SOHLH2: variants seen among roughly 807,000 people sequenced by gnomAD.
SOHLH2 encodes spermatogenesis- and oogenesis-specific basic helix-loop-helix-containing protein 2.
SOHLH2 carries 22 observed loss-of-function variants against 50.4 expected under a neutral mutation model. That is an observed-to-expected ratio of 0.44 (90% CI 0.31 to 0.62). The LOEUF (loss-of-function observed/expected upper bound fraction) is 0.62, where lower values mean the gene tolerates loss of function less well. Ranked by LOEUF, SOHLH2 falls within the 20% of genes least tolerant of loss-of-function variation. The pLI, the probability that SOHLH2 is intolerant of heterozygous loss-of-function variation, is 0.08. For synonymous variants in SOHLH2, 185 were observed against 187.3 expected (o/e 0.99, Z 0.10); for missense variants, 412 against 504.4 (o/e 0.82, Z 1.76).
At chr13:36,203,138 T>C (rs1019934206) in intron 1 of SOHLH2, among the ~76,000 whole-genome samples, 2 of 152,210 alleles carry the variant, frequency 1.3e-5, no homozygotes, top group African/African-American at 2.4e-5. Context: ...ATCCCTTCTC[T>C]GAAAGGAACT....
intron 1 of SOHLH2, among the ~76,000 whole-genome samples, chr13:36,212,831 C>A (rs908103590): frequency 1.4e-4 from 21 of 152,312 alleles, no homozygotes; most frequent in African/African-American, 4.8e-4. Context: ...GACACTTCAT[C>A]CACTGTTTCA....
intron 2 of SOHLH2, 90 bp from the exon 3 acceptor site, chr13:36,193,957 A>C (rs1887649465): frequency 1.3e-5 from 15 of 1,190,536 alleles, no homozygotes; most frequent in Non-Finnish European, 1.7e-5. Context: ...AACTAACTAC[A>C]GTGATTTTCT....
chr13:36,212,534 T>C (rs1869189241), intron 1 of SOHLH2, among the ~76,000 whole-genome samples: 1 of 152,224 alleles, frequency 6.6e-6, no homozygotes, highest in Non-Finnish European at 1.5e-5. Context: ...AATAAATGTT[T>C]CTAGTATATT....
intron 6 of SOHLH2, chr13:36,182,044 A>T (rs185506405): frequency 1.0e-6 from 1 of 981,856 alleles, no homozygotes; most frequent in Non-Finnish European, 1.2e-6. Context: ...TTTAAAAACC[A>T]ATAGTATATA....
At chr13:36,189,371 C>T (rs928695850) in intron 6 of SOHLH2, among the ~76,000 whole-genome samples, 3 of 152,140 alleles carry the variant, frequency 2.0e-5, no homozygotes, top group African/African-American at 4.8e-5. Flanking sequence ...TACCTCTCAT[C>T]TTTTGCCTCT....
intron 2 of SOHLH2, among the ~76,000 whole-genome samples, chr13:36,200,800 C>T (rs1334583279): frequency 2.6e-5 from 4 of 152,006 alleles, no homozygotes; most frequent in Non-Finnish European, 5.9e-5. Context: ...CCTGTAATCC[C>T]AGCACTTTGG....
Position 36,195,924 on chromosome 13 carries a change from G to A in SOHLH2, c.264-2057C>T, listed in dbSNP as rs1387849752. On this transcript the variant is annotated intron_variant, in intron 2 of 10. Transcript: ENST00000379881. Reference sequence around the variant, plus strand: ...ATCATCAAAATAGGCATATGCAGGAGGGAGGATAGAGTTTGCCTGGCCAAC... The same window carrying A: ...ATCATCAAAATAGGCATATGCAGGAAGGAGGATAGAGTTTGCCTGGCCAAC... Among the ~76,000 whole-genome samples the A allele has an allele frequency of 2.0e-5, 3 of 152,004 alleles. No individual in the cohort carries two copies. The South Asian group carries it at 6.2e-4, about 32-fold the overall frequency.
chr13:36,204,101 C>T (rs1868603522), intron 1 of SOHLH2, among the ~76,000 whole-genome samples: 1 of 151,776 alleles, frequency 6.6e-6, no homozygotes, highest in African/African-American at 2.4e-5. Flanking sequence ...CAGGTGCCCA[C>T]CACCATGCCT....
intron 6 of SOHLH2, chr13:36,183,044 T>G (rs1216583467): frequency 9.6e-6 from 2 of 207,650 alleles, no homozygotes; most frequent in African/African-American, 2.3e-5. Flanking sequence ...TCATGCAAGA[T>G]CTGGTGGTTT....
At chr13:36,179,441 C>T (rs188372657) in intron 6 of SOHLH2, among the ~76,000 whole-genome samples, 1 of 152,294 alleles carries the variant, frequency 6.6e-6, no homozygotes, top group Admixed American at 6.5e-5. Flanking sequence ...CAGAGTCTCA[C>T]TCTATCATCC....
chr13:36,197,397 C>A (rs1396434103), intron 2 of SOHLH2, among the ~76,000 whole-genome samples: 1 of 152,112 alleles, frequency 6.6e-6, no homozygotes, highest in Non-Finnish European at 1.5e-5. Flanking sequence ...TCTCTGGTAG[C>A]TGAAAAAACA....
At chr13:36,187,075 G>A (rs998737088) in intron 6 of SOHLH2, among the ~76,000 whole-genome samples, 2 of 152,128 alleles carry the variant, frequency 1.3e-5, no homozygotes, top group Non-Finnish European at 2.9e-5. Flanking sequence ...GAGAAAGGGG[G>A]AGGTCCTTGT....
intron 6 of SOHLH2, among the ~76,000 whole-genome samples, chr13:36,181,181 A>G (rs934316288): frequency 6.6e-6 from 1 of 152,294 alleles, no homozygotes; most frequent in African/African-American, 2.4e-5. Context: ...AAAATAGCCT[A>G]TCTGACTTTC....
chr13:36,197,744 A>C (rs1447347268), intron 2 of SOHLH2, among the ~76,000 whole-genome samples: 1 of 152,176 alleles, frequency 6.6e-6, no homozygotes, highest in African/African-American at 2.4e-5. Flanking sequence ...CTGATAGTTT[A>C]TTCTGGCTAA....
intron 1 of SOHLH2, among the ~76,000 whole-genome samples, chr13:36,210,967 C>A (rs763535477): frequency 6.6e-6 from 1 of 152,118 alleles, no homozygotes; most frequent in Non-Finnish European, 1.5e-5. Context: ...TGCCTGTGAG[C>A]GCAGATTGTT....
rs567581993 is a variant in SOHLH2, at chr13:36,214,540, G to A, written c.-14C>T. 1.3e-5 allele frequency: 21 copies of A among 1,609,320 alleles called. No individual in the cohort carries two copies. Among genetic ancestry groups the A allele is most frequent in the Non-Finnish European group, 1.7e-5 (20 of 1,178,282 alleles). ...TGAGGAAGCCATGGCCGCTGCGCACGTGCTGGGTCCTGGGGCAGCCTCCCA... is the reference window on the plus strand; with the variant it reads ...TGAGGAAGCCATGGCCGCTGCGCACATGCTGGGTCCTGGGGCAGCCTCCCA... On this transcript the variant is annotated 5_prime_UTR_variant, in exon 1 of 11. In the 5' UTR this introduces an upstream ATG that the reference lacks. Coordinates refer to ENST00000379881, the MANE Select transcript of SOHLH2 (RefSeq NM_017826.3).
In SOHLH2 at chr13:36,173,742, T is replaced by C; in HGVS notation, c.950A>G (p.Asn317Ser). ...GLQFLTNTCW[N>S]GCSTPDAESS... is the part of the protein sequence containing the mutation. ...CTCTGCATCAGGAGTGGAGCACCCA[T>C]TCCAGCACGTATTAGTCAGGAATTG... The change falls in exon 9 of 11, where the codon AAT (asparagine) becomes AGT (serine). Residue 317 changes from asparagine to serine, a missense_variant. By Grantham distance (46) the Asn-to-Ser change is conservative. Transcript: ENST00000379881. The C allele has an allele frequency of 6.2e-7, 1 of 1,613,890 alleles. No homozygotes were observed. Among genetic ancestry groups the C allele is most frequent in the Non-Finnish European group, 8.5e-7 (1 of 1,180,004 alleles).
At chr13:36,194,704 T>C (rs1355919186) in intron 2 of SOHLH2, among the ~76,000 whole-genome samples, 1 of 152,232 alleles carries the variant, frequency 6.6e-6, no homozygotes, top group Non-Finnish European at 1.5e-5. Context: ...GCCTTGGCAT[T>C]AGCCAAAATG....
chr13:36,183,668 C>G (rs1033394616), intron 6 of SOHLH2, among the ~76,000 whole-genome samples: 11 of 152,064 alleles, frequency 7.2e-5, no homozygotes, highest in African/African-American at 2.2e-4. Flanking sequence ...AAAATAACAA[C>G]AAGATTCAAC....
Sources: allele counts gnomAD v4.1 joint callset (sites outside exome capture counted in the v4.1 genomes callset), GRCh38; gene constraint gnomAD v4.1.1; transcripts MANE v1.5; gene names NCBI Gene and HGNC (gene_info 2026-07-23, HGNC 2026-07-21).